Variants in CYTH3 observed in about 807,000 individuals in gnomAD.
CYTH3 encodes cytohesin 3.
A neutral mutation model predicts 55.1 loss-of-function variants in CYTH3; 23 were observed. That is an observed-to-expected ratio of 0.42 (90% CI 0.30 to 0.59). The LOEUF is 0.59. Among genes scored for constraint, CYTH3 ranks in the 20% least tolerant of loss-of-function variants. The pLI is 0.20. For synonymous variants in CYTH3, 249 were observed against 194.9 expected (o/e 1.28, Z -2.31); for missense variants, 413 against 524.8 (o/e 0.79, Z 2.08).
intron 1 of CYTH3, among the ~76,000 whole-genome samples, chr7:6,260,707 T>C (rs890613239): frequency 6.6e-6 from 1 of 152,150 alleles, no homozygotes; most frequent in Admixed American, 6.5e-5. Flanking sequence ...CCACACAATC[T>C]TCAAGGCTTC....
In CYTH3 at chr7:6,162,819, G is replaced by C. The variant is rs1356842233; in HGVS notation, c.*2125C>G. Reference sequence around the variant, plus strand: ...CAAAACAGAAAGCTCTGCATCCCCAGGTCACACCTGGGTTGGTCAGAAGAA... The same window carrying C: ...CAAAACAGAAAGCTCTGCATCCCCACGTCACACCTGGGTTGGTCAGAAGAA... On this transcript the variant is annotated 3_prime_UTR_variant, in exon 13 of 13. Coordinates refer to ENST00000350796, the MANE Select transcript of CYTH3 (RefSeq NM_004227.4). The C allele has an allele frequency of 6.6e-6, 1 of 152,620 alleles. No individual in the cohort carries two copies. The highest frequency in any genetic ancestry group is 2.4e-5 in the African/African-American group (1 of 41,450). The allele number at this position is 152,620 out of a possible 1,614,324, so 9.5% of individuals were successfully genotyped here.
chr7:6,242,023 G>A (rs955056997), intron 1 of CYTH3, among the ~76,000 whole-genome samples: 16 of 152,142 alleles, frequency 1.1e-4, no homozygotes, highest in African/African-American at 3.9e-4. Context: ...ATATACCACT[G>A]TAACACAATA....
chr7:6,193,273 G>A (rs2128544797), intron 1 of CYTH3, among the ~76,000 whole-genome samples: 1 of 151,108 alleles, frequency 6.6e-6, no homozygotes, highest in Admixed American at 6.6e-5. Context: ...TAATAGTCAA[G>A]GAAATACAAA....
At chr7:6,256,984 C>CCT (rs1473992905) in intron 1 of CYTH3, among the ~76,000 whole-genome samples, 1 of 152,194 alleles carries the variant, frequency 6.6e-6, no homozygotes, top group Non-Finnish European at 1.5e-5. Context: ...TCCTAGTAAC[C>CCT]ATCTGACTAG....
At position 6,163,893 on chromosome 7, in the gene CYTH3, C is replaced by T. The variant is rs1041022693; in HGVS notation, c.*1051G>A. 5.3e-5 allele frequency: 8 copies of T among 152,194 alleles called. No homozygotes were observed. Among genetic ancestry groups the T allele is most frequent in the Admixed American group, 3.3e-4 (5 of 15,282 alleles). 9.4% of individuals were successfully genotyped at this position (152,194 alleles called of 1,614,324 possible). On this transcript the variant is annotated 3_prime_UTR_variant, in exon 13 of 13. Coordinates refer to ENST00000350796, the MANE Select transcript of CYTH3 (RefSeq NM_004227.4). Reference sequence around the variant, plus strand: ...AATAGCGATGAATATGGTCAAAAGCCGGTCTAACCTGCTGACCTGTATGAA... The same window carrying T: ...AATAGCGATGAATATGGTCAAAAGCTGGTCTAACCTGCTGACCTGTATGAA...
chr7:6,173,590 G>T, intron 6 of CYTH3, 63 bp downstream of exon 6: 1 of 1,057,804 alleles, frequency 9.5e-7, no homozygotes, highest in Non-Finnish European at 1.5e-6. Flanking sequence ...CGCCACTGCT[G>T]CCCAGGCAGT....
At chr7:6,190,343 T>G (rs1783769471) in intron 2 of CYTH3, 106 bp downstream of exon 2, 3 of 956,966 alleles carry the variant, frequency 3.1e-6, no homozygotes, top group South Asian at 1.8e-5. Flanking sequence ...TTTTTGTTTT[T>G]GGGTTTTTTT....
intron 1 of CYTH3, among the ~76,000 whole-genome samples, chr7:6,217,423 G>A (rs947377599): frequency 6.6e-6 from 1 of 152,088 alleles, no homozygotes; most frequent in African/African-American, 2.4e-5. Context: ...AAGCAGGTGT[G>A]GCTATATTAA....
At chr7:6,182,506 C>G (rs1783529155) in intron 4 of CYTH3, among the ~76,000 whole-genome samples, 2 of 152,156 alleles carry the variant, frequency 1.3e-5, no homozygotes, top group Non-Finnish European at 2.9e-5. Flanking sequence ...GCCACCACAT[C>G]TGGCTTGATA....
chr7:6,190,872 T>C (rs796924365), intron 1 of CYTH3, among the ~76,000 whole-genome samples: 2 of 150,938 alleles, frequency 1.3e-5, no homozygotes, highest in South Asian at 4.2e-4. Flanking sequence ...AGGTCAGGAG[T>C]TTGAGACCAG....
intron 1 of CYTH3, among the ~76,000 whole-genome samples, chr7:6,272,128 G>A (rs1476693832): frequency 5.9e-5 from 9 of 152,174 alleles, no homozygotes; most frequent in Non-Finnish European, 1.2e-4. Flanking sequence ...CGCCCTTGGC[G>A]ACAAGATGCG....
intron 5 of CYTH3, among the ~76,000 whole-genome samples, chr7:6,177,592 G>A (rs750066006): frequency 6.6e-6 from 1 of 152,242 alleles, no homozygotes; most frequent in Non-Finnish European, 1.5e-5. Context: ...CAGGATTCCA[G>A]AGGAGTCCCA....
At chr7:6,218,342 T>C (rs1416295495) in intron 1 of CYTH3, among the ~76,000 whole-genome samples, 1 of 152,036 alleles carries the variant, frequency 6.6e-6, no homozygotes, top group Non-Finnish European at 1.5e-5. Context: ...GGTTTGAAGA[T>C]GGAGAGAGGG....
chr7:6,240,138 T>C (rs1001737389), intron 1 of CYTH3, among the ~76,000 whole-genome samples: 2 of 151,870 alleles, frequency 1.3e-5, no homozygotes, highest in Non-Finnish European at 1.5e-5. Flanking sequence ...AAACCTCGTC[T>C]CTACTAAAAA....
chr7:6,250,126 G>A (rs1026730625), intron 1 of CYTH3, among the ~76,000 whole-genome samples: 6 of 152,170 alleles, frequency 3.9e-5, no homozygotes, highest in Non-Finnish European at 8.8e-5. Context: ...TCCCCGAGAA[G>A]TAGACTCTTC....
At chr7:6,208,179 G>C (rs1489776912) in intron 1 of CYTH3, among the ~76,000 whole-genome samples, 3 of 152,188 alleles carry the variant, frequency 2.0e-5, no homozygotes, top group Non-Finnish European at 2.9e-5. Context: ...AAAGACGACA[G>C]ATAAACTTAG....
rs1377226600 is a variant in CYTH3, at chr7:6,170,568, TGAA to T, written c.787_789del (p.Phe263del). On this transcript the variant is annotated inframe_deletion, in exon 9 of 13. Transcript: ENST00000350796. The surrounding 1 kb of genome is among the most constrained non-coding windows in gnomAD (Gnocchi z 7.8). The stretch of plus-strand genomic sequence containing the variant: ...AGGAGCCAGCCCTCGCGGTCGGGGT[TGAA>T]GAAGGTGTGGGTCAGGTCGTTCCCG... The T allele has an allele frequency of 6.2e-7, 1 of 1,613,916 alleles. No homozygotes were observed. Among genetic ancestry groups the T allele is most frequent in the South Asian group, 1.1e-5 (1 of 91,076 alleles).
At chr7:6,232,325 C>T (rs1221651091) in intron 1 of CYTH3, among the ~76,000 whole-genome samples, 1 of 152,186 alleles carries the variant, frequency 6.6e-6, no homozygotes, top group Non-Finnish European at 1.5e-5. Flanking sequence ...ATTAAGCAAG[C>T]TCTGAGTCTG....
At chr7:6,202,565 T>C (rs1033520566) in intron 1 of CYTH3, among the ~76,000 whole-genome samples, 1 of 150,386 alleles carries the variant, frequency 6.6e-6, no homozygotes, top group Admixed American at 6.7e-5. Context: ...CTGGGTTCAA[T>C]CGATTCTCCT....
Sources: gnomAD v4.1 joint callset for allele counts (sites outside exome capture counted in the v4.1 genomes callset) on GRCh38, gnomAD v4.1.1 for gene constraint, Gnocchi (gnomAD v3.1) non-coding constraint, MANE v1.5 for transcripts, NCBI Gene and HGNC (gene_info 2026-07-23, HGNC 2026-07-21) for gene names.